The following EAF2 variants were observed in gnomAD, a reference collection of about 807,000 sequenced individuals.
EAF2 encodes the protein ELL associated factor 2.
A neutral mutation model predicts 29.4 loss-of-function variants in EAF2; 29 were observed. That is an observed-to-expected ratio of 0.99 (90% CI 0.73 to 1.35). EAF2 has a LOEUF of 1.35. Ranked by LOEUF, EAF2 falls within the 40% of genes most tolerant of loss-of-function variation. The pLI is 0.00. For missense variants in EAF2, 292 were observed against 312.0 expected (o/e 0.94, Z 0.48); for synonymous variants, 103 against 102.5 (o/e 1.00, Z -0.03).
chr3:121,835,712 A>C (rs889973619), intron 1 of EAF2, among the ~76,000 whole-genome samples: 3 of 152,114 alleles, frequency 2.0e-5, no homozygotes, highest in Admixed American at 2.0e-4. Context: ...TGGACAGGAA[A>C]ATAATAAGGT....
chr3:121,865,599 T>C (rs1324753558), intron 4 of EAF2, among the ~76,000 whole-genome samples: 1 of 152,146 alleles, frequency 6.6e-6, no homozygotes, highest in Non-Finnish European at 1.5e-5. Flanking sequence ...CCCAGCACTT[T>C]GGGAGGCCGA....
Position 121,879,051 on chromosome 3 carries a change from AATAGCC to A in EAF2, c.736+6266_736+6271del, listed in dbSNP as rs150101480. ...AGCATGTTATTTTTGTCTTTTCAAT[AATAGCC>A]ATTTTAACTGGGGTGAGATGATGTC... is the stretch of plus-strand genomic sequence containing the variant. On this transcript the variant is annotated intron_variant, in intron 5 of 5. Coordinates refer to ENST00000273668, the MANE Select transcript of EAF2 (RefSeq NM_018456.6). Among the ~76,000 whole-genome samples the A allele has an allele frequency of 2.9e-3, 442 of 152,268 alleles. 2 individuals are homozygous for A. The highest frequency in any genetic ancestry group is 0.01 in the African/African-American group (419 of 41,558).
intron 2 of EAF2, among the ~76,000 whole-genome samples, chr3:121,851,224 C>T (rs561816968): frequency 1.0e-3 from 157 of 152,280 alleles, no homozygotes; most frequent in Middle Eastern, 3.4e-3. Context: ...GCCACTCAGG[C>T]TGGAGTGCAG....
At chr3:121,879,149 A>AT (rs1709150270) in intron 5 of EAF2, among the ~76,000 whole-genome samples, 2 of 152,134 alleles carry the variant, frequency 1.3e-5, no homozygotes, top group African/African-American at 4.8e-5. Context: ...GCCTGTGGGC[A>AT]TTTTTTAAAA....
intron 4 of EAF2, among the ~76,000 whole-genome samples, chr3:121,867,459 G>A (rs950275113): frequency 6.6e-6 from 1 of 152,184 alleles, no homozygotes; most frequent in Non-Finnish European, 1.5e-5. Flanking sequence ...TTTCTCATCT[G>A]AAGCCATGGA....
chr3:121,879,502 AG>A (rs1709155701), intron 5 of EAF2, among the ~76,000 whole-genome samples: 1 of 152,116 alleles, frequency 6.6e-6, no homozygotes, highest in Admixed American at 6.5e-5. Context: ...GTTTTCTTCT[AG>A]TAGTTTCACA....
At chr3:121,841,598 C>T (rs1353844772) in intron 1 of EAF2, among the ~76,000 whole-genome samples, 1 of 148,016 alleles carries the variant, frequency 6.8e-6, no homozygotes, top group Non-Finnish European at 1.5e-5. Context: ...ACCAGCCAGG[C>T]GCAGTGGCTC....
At chr3:121,885,380 T>C (rs1404027709) in intron 5 of EAF2, among the ~76,000 whole-genome samples, 2 of 152,260 alleles carry the variant, frequency 1.3e-5, no homozygotes, top group Non-Finnish European at 2.9e-5. Context: ...TTCTCTCTTG[T>C]TTCTGTGTTT....
At chr3:121,881,544 C>G (rs1576659320) in intron 5 of EAF2, among the ~76,000 whole-genome samples, 1 of 152,190 alleles carries the variant, frequency 6.6e-6, no homozygotes, top group East Asian at 1.9e-4. Flanking sequence ...GAGTCTTACT[C>G]TGTTGCCCAG....
chr3:121,868,826 T>C (rs1275973405), intron 4 of EAF2, among the ~76,000 whole-genome samples: 1 of 152,018 alleles, frequency 6.6e-6, no homozygotes, highest in Non-Finnish European at 1.5e-5. Context: ...AGACAGAAAA[T>C]CGACACATAC....
chr3:121,845,145 A>G (rs1179124363), intron 2 of EAF2, among the ~76,000 whole-genome samples: 1 of 152,206 alleles, frequency 6.6e-6, no homozygotes. Flanking sequence ...AAATCATAGT[A>G]TAATGAAAAA....
chr3:121,868,530 G>A (rs1392060655), intron 4 of EAF2, among the ~76,000 whole-genome samples: 2 of 152,144 alleles, frequency 1.3e-5, no homozygotes, highest in Non-Finnish European at 2.9e-5. Context: ...CTTGGGAGGC[G>A]GAGGTTGCAG....
chr3:121,872,906 T>A, intron 5 of EAF2, 118 bp downstream of exon 5: 1 of 1,358,978 alleles, frequency 7.4e-7, no homozygotes, highest in Non-Finnish European at 1.0e-6. Context: ...TTGATACTAT[T>A]AATAATTACA....
At position 121,873,204 on chromosome 3, in the gene EAF2, A is replaced by G. The variant is rs1576655082; in HGVS notation, c.736+416A>G. ...ATTCAAACCTCTAGGCTTTAGACACATGTTTAACATCATCTCCCATCATCT... is the reference window on the plus strand; with the variant it reads ...ATTCAAACCTCTAGGCTTTAGACACGTGTTTAACATCATCTCCCATCATCT... On this transcript the variant is annotated intron_variant, in intron 5 of 5. Coordinates refer to ENST00000273668, the MANE Select transcript of EAF2 (RefSeq NM_018456.6). 7.2e-6 allele frequency: 4 copies of G among 556,486 alleles called. No homozygotes were observed. In the East Asian group the frequency reaches 1.2e-4, roughly 16 times the overall value. 34.5% of individuals were successfully genotyped at this position (556,486 alleles called of 1,614,324 possible).
At chr3:121,883,185 A>G (rs1235758073) in intron 5 of EAF2, among the ~76,000 whole-genome samples, 2 of 152,146 alleles carry the variant, frequency 1.3e-5, no homozygotes, top group African/African-American at 2.4e-5. Context: ...ACAACATTCA[A>G]CTCATATTAT....
chr3:121,872,604 TTCA>T lies in EAF2; in HGVS notation c.558_560del (p.Ser190del), dbSNP rs1339164774. On this transcript the variant is annotated inframe_deletion, in exon 5 of 6. Coordinates refer to ENST00000273668, the MANE Select transcript of EAF2 (RefSeq NM_018456.6). ...GTGATAGTTCATCAGATTCCAAAAG[TTCA>T]TCATCTTCAAGTAGTGAGGATAGTT... 3.7e-6 allele frequency: 6 copies of T among 1,612,706 alleles called. No individual in the cohort carries two copies. In the Admixed American group the frequency reaches 8.3e-5, roughly 22 times the overall value.
At chr3:121,844,333 T>G in intron 1 of EAF2, 120 bp from the exon 2 acceptor site, 1 of 627,918 alleles carries the variant, frequency 1.6e-6, no homozygotes, top group East Asian at 3.2e-5. Context: ...TATGAATACT[T>G]TAAACCATTT....
chr3:121,857,176 A>C lies in EAF2; in HGVS notation c.484+20A>C, dbSNP rs749689072. The C allele has an allele frequency of 9.4e-6, 15 of 1,596,428 alleles. No individual in the cohort carries two copies. Among genetic ancestry groups the C allele is most frequent in the Non-Finnish European group, 1.3e-5 (15 of 1,170,208 alleles). ...AAAGAGGTAAAATCTAAGTATATGT[A>C]ACATCCCTTTATAAGAGATAATTAA... On this transcript the variant is annotated intron_variant, in intron 4 of 5. Transcript: ENST00000273668.
intron 5 of EAF2, among the ~76,000 whole-genome samples, chr3:121,886,050 A>G (rs914180694): frequency 3.9e-5 from 6 of 152,088 alleles, no homozygotes; most frequent in African/African-American, 1.4e-4. Flanking sequence ...CATTTTTCTC[A>G]TTTCCCGATT....
Sources: gnomAD v4.1 joint callset for allele counts (sites outside exome capture counted in the v4.1 genomes callset) on GRCh38, gnomAD v4.1.1 for gene constraint, MANE v1.5 for transcripts, NCBI Gene and HGNC (gene_info 2026-07-23, HGNC 2026-07-21) for gene names.